The following SLC4A2 variants were observed in gnomAD, a reference collection of about 807,000 sequenced individuals.
SLC4A2 encodes the protein solute carrier family 4 member 2, also known as anion exchange protein 2.
A neutral mutation model predicts 115.0 loss-of-function variants in SLC4A2; 36 were observed. That is an observed-to-expected ratio of 0.31 (90% CI 0.24 to 0.41). The LOEUF (loss-of-function observed/expected upper bound fraction) is 0.41. Ranked by LOEUF, SLC4A2 falls within the 10% of genes least tolerant of loss-of-function variation. The pLI is 1.00. For missense variants in SLC4A2, 1,252 were observed against 1,705.6 expected, an observed-to-expected ratio of 0.73 and a Z score of 4.68; for synonymous variants, 708 against 708.3, an observed-to-expected ratio of 1.00 and a Z score of 0.01.
rs1359429455 is a variant in SLC4A2 at position 151,074,672 on chromosome 7, C to T, written c.2881-3C>T. 6.3e-7 allele frequency: 1 copy of T among 1,594,908 alleles called. No individual in the cohort carries two copies. Among genetic ancestry groups the T allele is most frequent in the Admixed American group, 1.8e-5 (1 of 56,078 alleles). On this transcript the variant is annotated splice_polypyrimidine_tract_variant and splice_region_variant and intron_variant, in intron 18 of 22. Coordinates refer to ENST00000413384, the MANE Select transcript of SLC4A2 (RefSeq NM_003040.4). ...TTGTCCCTACACTGTGTCTGCCCTGCAGAAGCTGAGCGTTCCCAGTGGATT... is the reference window on the plus strand; with the variant it reads ...TTGTCCCTACACTGTGTCTGCCCTGTAGAAGCTGAGCGTTCCCAGTGGATT...
At chr7:151,074,993 GA>G in intron 19 of SLC4A2, 152 bp downstream of exon 19, 1 of 907,936 alleles carries the variant, frequency 1.1e-6, no homozygotes, top group Non-Finnish European at 1.7e-6. Context: ...GTAGACAGCA[GA>G]AAAACCCCGA....
In SLC4A2 at chr7:151,071,434, C is replaced by A; in HGVS notation, c.2020C>A (p.Pro674Thr). The change falls in exon 14 of 23, where the codon CCC becomes ACC. Residue 674 changes from proline (P) to threonine (T), a missense_variant. Pro to Thr is a conservative substitution (Grantham distance 38). Transcript: ENST00000413384. This position sits in a 1 kb window ranked among gnomAD's most constrained non-coding sequence, Gnocchi z 5.5. ...VEAAGAAEDDPLRRTGRPFGG... is the reference protein window; with the variant it reads ...VEAAGAAEDDTLRRTGRPFGG... ...GGCGGCAGGGGCAGCTGAAGATGATCCCCTTCGGCGGACGGGGCGGCCCTT... is the reference window on the plus strand; with the variant it reads ...GGCGGCAGGGGCAGCTGAAGATGATACCCTTCGGCGGACGGGGCGGCCCTT... The A allele has an allele frequency of 1.2e-6, 2 of 1,605,000 alleles. No individual in the cohort carries two copies. Among genetic ancestry groups the A allele is most frequent in the Non-Finnish European group, 1.7e-6 (2 of 1,179,336 alleles).
chr7:151,069,219 C>T (rs1411640176), intron 8 of SLC4A2, among the ~76,000 whole-genome samples: 5 of 148,594 alleles, frequency 3.4e-5, no homozygotes, highest in African/African-American at 7.5e-5. Flanking sequence ...GTCCATAGGC[C>T]GTGAGTGAGG....
rs1409588516 is a variant in SLC4A2 at position 151,064,630 on chromosome 7, A to T, written c.322A>T (p.Arg108Trp). The change falls in exon 4 of 23, where the codon AGG becomes TGG. Residue 108 changes from arginine (R) to tryptophan (W), a missense_variant. Transcript: ENST00000413384. ...CCAGGGCCCAGGACGGAAGCCTCGA[A>T]GGCGCCCGGGAGCCTCCCCGACTGG... ...TPQGPGRKPR[R>W]RPGASPTGET... The T allele has an allele frequency of 1.2e-6, 2 of 1,613,556 alleles. No homozygotes were observed. Among genetic ancestry groups the T allele is most frequent in the South Asian group, 2.2e-5 (2 of 91,074 alleles).
At chr7:151,065,452 AT>A (rs1243964911) in intron 5 of SLC4A2, among the ~76,000 whole-genome samples, 6 of 152,302 alleles carry the variant, frequency 3.9e-5, no homozygotes, top group Middle Eastern at 3.4e-3. Flanking sequence ...ATCATGTGAG[AT>A]GGCATCAGCA....
chr7:151,066,484 T>A (rs970316208), intron 5 of SLC4A2, 33 bp from the exon 6 acceptor site: 14 of 1,465,218 alleles, frequency 9.6e-6, no homozygotes, highest in Admixed American at 2.6e-5. Flanking sequence ...GGAGGCCAGG[T>A]TTCTCGGGCT....
intron 18 of SLC4A2, 48 bp downstream of exon 18, chr7:151,074,536 G>A (rs769732011): frequency 1.2e-5 from 19 of 1,602,192 alleles, no homozygotes; most frequent in South Asian, 4.4e-5. Flanking sequence ...CTGCCACCCC[G>A]GGTCTAGGTG....
rs1797181578 is a variant in SLC4A2, at chr7:151,064,929, G to A, written c.541G>A (p.Glu181Lys). ...PSSPAPLPHQ[E>K]ATPRASKGAQ... The stretch of plus-strand genomic sequence containing the variant: ...TTCCCCTGCACCACTGCCCCACCAG[G>A]AGGCGACTCCTCGGGCCTCCAAAGG... Residue 181 changes from glutamate to lysine, a missense_variant, in exon 5 of 23, where the codon GAG becomes AAG. Glu to Lys is a moderately conservative substitution (Grantham distance 56). Around this residue, in one of 14 missense-constraint regions of SLC4A2, gnomAD observed 215 missense variants for 205.2 expected, o/e 1.05. Coordinates refer to ENST00000413384, the MANE Select transcript of SLC4A2 (RefSeq NM_003040.4). 1 of 1,613,862 alleles carries A rather than the reference G, an allele frequency of 6.2e-7. No individual in the cohort carries two copies. Among genetic ancestry groups the A allele is most frequent in the Non-Finnish European group, 8.5e-7 (1 of 1,179,956 alleles).
At position 151,072,134 on chromosome 7, in the gene SLC4A2, A is replaced by G. The variant is rs1271621391; in HGVS notation, c.2533A>G (p.Lys845Glu). Residue 845 changes from lysine (K) to glutamate (E), a missense_variant and splice_region_variant, in exon 16 of 23, where the codon AAG (lysine) becomes GAG (glutamate). Coordinates refer to ENST00000413384, the MANE Select transcript of SLC4A2 (RefSeq NM_003040.4). ...CTATGAGACCTTCTACAAGCTGGTGAAGGTGGGCAGGCCCCTGCCGAGAGC... is the reference window on the plus strand; with the variant it reads ...CTATGAGACCTTCTACAAGCTGGTGGAGGTGGGCAGGCCCCTGCCGAGAGC... ...FIYETFYKLV[K>E]IFQEHPLHGC... 1 of 1,613,110 alleles carries G rather than the reference A, an allele frequency of 6.2e-7. No homozygotes were observed. Among genetic ancestry groups the G allele is most frequent in the East Asian group, 2.2e-5 (1 of 44,858 alleles).
rs369471218 is a variant in SLC4A2, at chr7:151,064,582, G to A, written c.274G>A (p.Asp92Asn). 3.5e-5 allele frequency: 56 copies of A among 1,612,600 alleles called. No individual in the cohort carries two copies. The highest frequency in any genetic ancestry group is 4.2e-5 in the Non-Finnish European group (50 of 1,179,972). The part of the protein sequence containing the change: ...HHPLSTHLPP[D>N]ARRRKTPQGP... ...CCCACTGTCCACCCACCTGCCTCCG[G>A]ATGCACGCCGCCGCAAGACACCCCA... The change falls in exon 4 of 23, where the codon GAT becomes AAT. Residue 92 changes from aspartate to asparagine, a missense_variant. Transcript: ENST00000413384.
intron 2 of SLC4A2, chr7:151,063,150 TGCCG>T: frequency 2.4e-6 from 3 of 1,266,644 alleles, no homozygotes; most frequent in South Asian, 2.5e-5. Flanking sequence ...CTGCCGGCTG[TGCCG>T]GCCGGCCGCT....
chr7:151,061,375 AG>A (rs1797040627), intron 1 of SLC4A2: 1 of 151,704 alleles, frequency 6.6e-6, no homozygotes, highest in Non-Finnish European at 1.5e-5. Context: ...TGTACTGGGG[AG>A]GGGGCACCCC....
chr7:151,070,363 C>A lies in SLC4A2; in HGVS notation c.1449+17C>A. ...GAGCGAGAGGTGAGGGGAGAACCAG[C>A]CCTGCCTGGGCTGGCGGCAGGGCTG... On this transcript the variant is annotated intron_variant, in intron 10 of 22. Transcript: ENST00000413384. The A allele has an allele frequency of 3.7e-6, 6 of 1,609,412 alleles. No homozygotes were observed. Among genetic ancestry groups the A allele is most frequent in the Non-Finnish European group, 5.1e-6 (6 of 1,177,274 alleles).
intron 12 of SLC4A2, 73 bp from the exon 13 acceptor site, chr7:151,070,999 C>G: frequency 6.3e-7 from 1 of 1,593,352 alleles, no homozygotes. Context: ...ACCCACTGGC[C>G]TTGCCCACCC....
At chr7:151,064,456 G>A (rs1339218594) in intron 3 of SLC4A2, 70 bp from the exon 4 acceptor site, 2 of 1,577,208 alleles carry the variant, frequency 1.3e-6, no homozygotes, top group Admixed American at 1.7e-5. Context: ...GGGAGGAGTG[G>A]GGCTAGGGGG....
At chr7:151,068,421 C>T (rs986471048) in intron 8 of SLC4A2, among the ~76,000 whole-genome samples, 6 of 152,170 alleles carry the variant, frequency 3.9e-5, no homozygotes, top group African/African-American at 1.4e-4. Context: ...CCTGTGTTTG[C>T]TTGCTTGCTC....
In SLC4A2 at chr7:151,067,855, C is replaced by A; in HGVS notation, c.967-19C>A. ...CCTCCGGCTCTGTACCCTGAAATGC[C>A]TTCTCTTCTCTCCCCAAGGTGTTTG... is the stretch of plus-strand genomic sequence containing the variant. On this transcript the variant is annotated intron_variant, in intron 7 of 22. Transcript: ENST00000413384. The A allele has an allele frequency of 3.1e-6, 5 of 1,611,228 alleles. No individual in the cohort carries two copies. Among genetic ancestry groups the A allele is most frequent in the Non-Finnish European group, 3.4e-6 (4 of 1,179,004 alleles).
Position 151,075,457 on chromosome 7 carries a change from C to G in SLC4A2, c.3250C>G (p.Gln1084Glu). 5 of 1,603,310 alleles carry G rather than the reference C, an allele frequency of 3.1e-6. No individual in the cohort carries two copies. The highest frequency in any genetic ancestry group is 4.2e-6 in the Non-Finnish European group (5 of 1,179,950). ...AVAPGDKPKI[Q>E]EVKEQRVTGL... is the part of the protein sequence containing the mutation. Reference sequence around the variant, plus strand: ...GGCACCTGGGGACAAGCCCAAGATTCAGGAAGTCAAGGAGCAGCGGGTGAC... The same window carrying G: ...GGCACCTGGGGACAAGCCCAAGATTGAGGAAGTCAAGGAGCAGCGGGTGAC... The change falls in exon 20 of 23, where the codon CAG becomes GAG. Residue 1084 changes from glutamine to glutamate, a missense_variant. Transcript: ENST00000413384.
In SLC4A2 at chr7:151,071,330, C is replaced by T; in HGVS notation, c.1975+33C>T. The T allele has an allele frequency of 6.5e-7, 1 of 1,543,082 alleles. No individual in the cohort carries two copies. The highest frequency in any genetic ancestry group is 8.7e-7 in the Non-Finnish European group (1 of 1,147,090). ...CAGGGCGGGCTGGGGCCAGGGCTGC[C>T]TCGAGGGGGTGAGGTGGGCAAGAGG... On this transcript the variant is annotated intron_variant, in intron 13 of 22. Transcript: ENST00000413384. The surrounding 1 kb of genome is among the most constrained non-coding windows in gnomAD (Gnocchi z 5.5).
Sources: allele counts gnomAD v4.1 joint callset (sites outside exome capture counted in the v4.1 genomes callset), GRCh38; gene constraint gnomAD v4.1.1; regional missense constraint gnomAD v4.1.1; non-coding constraint Gnocchi (gnomAD v3.1); transcripts MANE v1.5; gene names NCBI Gene and HGNC (gene_info 2026-07-23, HGNC 2026-07-21).